Variants in TTC28 observed in about 807,000 individuals in gnomAD.
TTC28 encodes the protein tetratricopeptide repeat domain 28, also known as tetratricopeptide repeat protein 28.
In TTC28, 61 loss-of-function variants were observed where a neutral mutation model predicts 198.0. That is an observed-to-expected ratio of 0.31 (90% CI 0.25 to 0.38). The LOEUF (loss-of-function observed/expected upper bound fraction) is 0.38. Among genes scored for constraint, TTC28 ranks in the 10% least tolerant of loss-of-function variants. TTC28 has a pLI of 1.00. For missense variants in TTC28, 2,678 were observed against 3,164.0 expected, an observed-to-expected ratio of 0.85 and a Z score of 3.69; for synonymous variants, 1,171 against 1,297.8, an observed-to-expected ratio of 0.90 and a Z score of 2.10.
At chr22:28,657,079 G>A (rs2051670572) in intron 1 of TTC28, among the ~76,000 whole-genome samples, 1 of 152,148 alleles carries the variant, frequency 6.6e-6, no homozygotes, top group Admixed American at 6.5e-5. Context: ...CAACAAACCT[G>A]CGAAGTAGAC....
At chr22:28,587,131 T>C (rs1460547717) in intron 2 of TTC28, among the ~76,000 whole-genome samples, 5 of 152,022 alleles carry the variant, frequency 3.3e-5, no homozygotes, top group Non-Finnish European at 5.9e-5. Flanking sequence ...CCGAGGCAGG[T>C]GGATCATTTG....
At position 27,982,956 on chromosome 22, in the gene TTC28, G is replaced by A. The variant is rs1292558834; in HGVS notation, c.6711C>T (p.Ala2237=). ...TCACCTTGGGCAGGGAGGAGCTCCTGGCTGGGGGCTTTGGTTTAACAGTGA... is the reference window on the plus strand; with the variant it reads ...TCACCTTGGGCAGGGAGGAGCTCCTAGCTGGGGGCTTTGGTTTAACAGTGA... ...SPVTVKPKPP[A]RSSSLPKVSS... The change falls in exon 23 of 23, where the codon GCC becomes GCT. Residue 2237 remains alanine, a synonymous_variant. Coordinates refer to ENST00000397906, the MANE Select transcript of TTC28 (RefSeq NM_001145418.2). This position sits in a 1 kb window ranked among gnomAD's most constrained non-coding sequence, Gnocchi z 5.2. 2 of 1,551,730 alleles carry A rather than the reference G, an allele frequency of 1.3e-6. No homozygotes were observed. The highest frequency in any genetic ancestry group is 3.3e-4 in the Middle Eastern group (2 of 5,994).
intron 5 of TTC28, among the ~76,000 whole-genome samples, chr22:28,214,412 A>G (rs1927203031): frequency 6.6e-6 from 1 of 152,248 alleles, no homozygotes. Flanking sequence ...CAGAATCTAC[A>G]AAGAACTTAA....
intron 5 of TTC28, among the ~76,000 whole-genome samples, chr22:28,294,249 G>A (rs1160161257): frequency 3.3e-5 from 5 of 152,082 alleles, no homozygotes; most frequent in Admixed American, 6.6e-5. Flanking sequence ...TTTGGGGAAG[G>A]AATGGGTACC....
intron 2 of TTC28, among the ~76,000 whole-genome samples, chr22:28,498,947 G>A (rs1035785472): frequency 5.3e-5 from 8 of 152,040 alleles, no homozygotes; most frequent in African/African-American, 1.7e-4. Context: ...AGGCTGAGGT[G>A]GCAGGACTGC....
At chr22:27,990,116 C>G in intron 20 of TTC28, 109 bp from the exon 21 acceptor site, 1 of 1,360,480 alleles carries the variant, frequency 7.4e-7, no homozygotes, top group Non-Finnish European at 9.9e-7. Flanking sequence ...CGCTAATGAC[C>G]CTCTCATGAG....
Position 27,992,679 on chromosome 22 carries a change from A to C in TTC28, c.5477-16T>G. On this transcript the variant is annotated splice_polypyrimidine_tract_variant and intron_variant, in intron 18 of 22. Transcript: ENST00000397906. ...TTGGGCAGACCTAAACCAAGAAAAA[A>C]GGGTAGAAGTTATTCAGAAGGGCCT... 1 of 1,550,592 alleles carries C rather than the reference A, an allele frequency of 6.4e-7. No homozygotes were observed. The highest frequency in any genetic ancestry group is 1.7e-4 in the Middle Eastern group (1 of 5,980).
At chr22:28,386,274 CAAAAAAAAAAAAAAAAAAAAAA>C (rs71194764) in intron 2 of TTC28, among the ~76,000 whole-genome samples, 1 of 52,220 alleles carries the variant, frequency 1.9e-5, no homozygotes, top group Admixed American at 3.4e-4. Context: ...GACTCCGTCT[CAAAAAAAAAAAAAAAAAAAAAA>C]AAAAAAAAAA....
chr22:28,177,482 T>TG (rs548634501), intron 5 of TTC28, among the ~76,000 whole-genome samples: 260 of 152,356 alleles, frequency 1.7e-3, no homozygotes, highest in African/African-American at 6.0e-3. Context: ...TCTTACCATG[T>TG]GTTCCAGCAA....
intron 5 of TTC28, among the ~76,000 whole-genome samples, chr22:28,223,973 T>A (rs1408987738): frequency 6.6e-6 from 1 of 152,220 alleles, no homozygotes; most frequent in East Asian, 1.9e-4. Context: ...TTTCTTTTCA[T>A]CCTCTATAGC....
chr22:28,458,757 T>C (rs1047382557), intron 2 of TTC28, among the ~76,000 whole-genome samples: 1 of 151,724 alleles, frequency 6.6e-6, no homozygotes, highest in Non-Finnish European at 1.5e-5. Context: ...GGCGGGCGCC[T>C]GTAGTCCCAG....
chr22:28,113,695 G>A (rs1942553523), intron 6 of TTC28, among the ~76,000 whole-genome samples: 1 of 152,208 alleles, frequency 6.6e-6, no homozygotes, highest in African/African-American at 2.4e-5. Flanking sequence ...ACAACGTGGT[G>A]TCCATGATTT....
chr22:27,997,502 C>T (rs2146537503), intron 16 of TTC28: 1 of 152,344 alleles, frequency 6.6e-6, no homozygotes, highest in African/African-American at 2.4e-5. Context: ...GACTGACCCA[C>T]CTTTGGAAAA....
chr22:28,661,522 G>A (rs1191414783), intron 1 of TTC28, among the ~76,000 whole-genome samples: 1 of 151,976 alleles, frequency 6.6e-6, no homozygotes, highest in Non-Finnish European at 1.5e-5. Flanking sequence ...TGGGTTCAAG[G>A]GGTCTTCCTG....
chr22:28,510,001 G>A (rs916285515), intron 2 of TTC28, among the ~76,000 whole-genome samples: 1 of 152,032 alleles, frequency 6.6e-6, no homozygotes, highest in African/African-American at 2.4e-5. Flanking sequence ...TCCCTGAATA[G>A]ACAAATAACA....
intron 17 of TTC28, 84 bp downstream of exon 17, chr22:27,996,051 T>G: frequency 6.7e-7 from 1 of 1,483,790 alleles, no homozygotes. Context: ...ACTGCTCACA[T>G]CCCCGTGTAG....
chr22:28,654,215 A>T (rs929294679), intron 1 of TTC28, among the ~76,000 whole-genome samples: 1 of 152,232 alleles, frequency 6.6e-6, no homozygotes, highest in Admixed American at 6.5e-5. Flanking sequence ...CAGCAATCTA[A>T]TAAGTCCTTA....
chr22:28,224,873 C>A (rs1156990672), intron 5 of TTC28, among the ~76,000 whole-genome samples: 6 of 152,132 alleles, frequency 3.9e-5, no homozygotes, highest in Admixed American at 1.3e-4. Flanking sequence ...ACAACTGATT[C>A]TTGACCAGAA....
chr22:28,041,982 C>A (rs184102716), intron 12 of TTC28, among the ~76,000 whole-genome samples: 2 of 152,038 alleles, frequency 1.3e-5, no homozygotes, highest in African/African-American at 4.8e-5. Context: ...TGAAAAAATG[C>A]TCATCATCAC....
Sources: allele counts gnomAD v4.1 joint callset (sites outside exome capture counted in the v4.1 genomes callset), GRCh38; gene constraint gnomAD v4.1.1; non-coding constraint Gnocchi (gnomAD v3.1); transcripts MANE v1.5; gene names NCBI Gene and HGNC (gene_info 2026-07-23, HGNC 2026-07-21).